Variants in TRAK1 observed in about 807,000 individuals in gnomAD.
The protein encoded by TRAK1 is trafficking kinesin protein 1.
TRAK1 carries 33 observed loss-of-function variants against 92.1 expected under a neutral mutation model. That is an observed-to-expected ratio of 0.36 (90% CI 0.27 to 0.48). The LOEUF (loss-of-function observed/expected upper bound fraction) is 0.48. Among genes scored for constraint, TRAK1 ranks in the 20% least tolerant of loss-of-function variants. TRAK1 has a pLI of 0.99. For synonymous variants in TRAK1, 521 were observed against 517.3 expected (o/e 1.01, Z -0.10); for missense variants, 1,123 against 1,257.9 (o/e 0.89, Z 1.62).
chr3:42,149,275 G>A, intron 2 of TRAK1: 1 of 1,362,368 alleles, frequency 7.3e-7, no homozygotes, highest in Non-Finnish European at 9.5e-7. Flanking sequence ...TGGCAGTGCT[G>A]CCAGGGTCTC....
chr3:42,175,667 C>T (rs184290164), intron 2 of TRAK1, among the ~76,000 whole-genome samples: 31 of 152,292 alleles, frequency 2.0e-4, no homozygotes, highest in African/African-American at 7.0e-4. Flanking sequence ...AGGATGATCT[C>T]TACTTGCATT....
intron 1 of TRAK1, among the ~76,000 whole-genome samples, chr3:42,071,522 A>G (rs1235792096): frequency 6.6e-6 from 1 of 152,086 alleles, no homozygotes; most frequent in African/African-American, 2.4e-5. Flanking sequence ...AGCCTGGCCA[A>G]CATGGTGAAA....
chr3:42,173,087 A>G (rs1702769429), intron 2 of TRAK1, among the ~76,000 whole-genome samples: 2 of 152,202 alleles, frequency 1.3e-5, no homozygotes, highest in African/African-American at 4.8e-5. Context: ...CCGAGGTTGC[A>G]GTGAGCCAAG....
chr3:42,135,137 G>A (rs1362540422), intron 2 of TRAK1, among the ~76,000 whole-genome samples: 1 of 152,148 alleles, frequency 6.6e-6, no homozygotes, highest in African/African-American at 2.4e-5. Flanking sequence ...TTCATGCCAG[G>A]TAGTGTTTGT....
intron 2 of TRAK1, among the ~76,000 whole-genome samples, chr3:42,157,586 A>C (rs1309461347): frequency 6.6e-6 from 1 of 151,080 alleles, no homozygotes; most frequent in African/African-American, 2.4e-5. Context: ...TTTCTTGCCG[A>C]AAGTTCATAA....
At chr3:42,151,784 C>T (rs1398156595) in intron 2 of TRAK1, among the ~76,000 whole-genome samples, 1 of 152,174 alleles carries the variant, frequency 6.6e-6, no homozygotes, top group Non-Finnish European at 1.5e-5. Context: ...TTATATGTAC[C>T]TGTCTTTTAT....
intron 3 of TRAK1, 90 bp downstream of exon 3, chr3:42,176,980 G>T: frequency 8.1e-7 from 1 of 1,229,320 alleles, no homozygotes. Context: ...ACCTGTTTCA[G>T]TGAGGAATCT....
intron 1 of TRAK1, among the ~76,000 whole-genome samples, chr3:42,046,335 A>AT (rs1245314412): frequency 7.9e-6 from 1 of 125,796 alleles, no homozygotes; most frequent in African/African-American, 4.7e-5. Context: ...TGTAGAGAAC[A>AT]TTTAAAAAAA....
chr3:42,096,592 C>T (rs147797003), intron 1 of TRAK1, among the ~76,000 whole-genome samples: 16 of 152,166 alleles, frequency 1.1e-4, no homozygotes, highest in African/African-American at 3.4e-4. Flanking sequence ...AATGCCTTAC[C>T]GTACTATAAA....
chr3:42,082,638 A>G (rs1181049764), upstream of TRAK1, among the ~76,000 whole-genome samples: 1 of 151,768 alleles, frequency 6.6e-6, no homozygotes, highest in African/African-American at 2.4e-5. Flanking sequence ...AGAAATCTTT[A>G]CATATTAGAG....
At chr3:42,163,171 T>A (rs1701460486) in intron 2 of TRAK1, among the ~76,000 whole-genome samples, 1 of 152,188 alleles carries the variant, frequency 6.6e-6, no homozygotes, top group South Asian at 2.1e-4. Flanking sequence ...CCCAGCCTAT[T>A]TAGAATGGCT....
chr3:42,146,143 C>A, intron 2 of TRAK1: 1 of 411,464 alleles, frequency 2.4e-6, no homozygotes, highest in South Asian at 2.3e-5. Flanking sequence ...TGTCCTTGGT[C>A]TGCAAACCAT....
chr3:42,205,871 C>A (rs142295589), intron 13 of TRAK1, among the ~76,000 whole-genome samples: 1 of 152,234 alleles, frequency 6.6e-6, no homozygotes, highest in Non-Finnish European at 1.5e-5. Flanking sequence ...CCCCACTGTC[C>A]GTGCCCTTTT....
chr3:42,162,408 G>A (rs1313000982), intron 2 of TRAK1, among the ~76,000 whole-genome samples: 1 of 152,054 alleles, frequency 6.6e-6, no homozygotes, highest in Non-Finnish European at 1.5e-5. Flanking sequence ...AGAAATCACA[G>A]TTTATTCTGA....
At chr3:42,128,814 A>G (rs1214671950) in intron 2 of TRAK1, among the ~76,000 whole-genome samples, 3 of 151,436 alleles carry the variant, frequency 2.0e-5, no homozygotes, top group African/African-American at 4.9e-5. Flanking sequence ...AAATGTGCTG[A>G]TAGATCTTTT....
chr3:42,193,605 A>G (rs1341016483), intron 8 of TRAK1, among the ~76,000 whole-genome samples: 1 of 151,864 alleles, frequency 6.6e-6, no homozygotes. Flanking sequence ...GCTTCCAGAG[A>G]GCTTTGGAAG....
intron 2 of TRAK1, among the ~76,000 whole-genome samples, chr3:42,147,602 C>G (rs146931428): frequency 5.9e-5 from 9 of 152,322 alleles, no homozygotes; most frequent in African/African-American, 2.2e-4. Context: ...CTTCTCTTTT[C>G]CCTCCGGGAC....
At chr3:42,146,104 G>C (rs1699292976) in intron 2 of TRAK1, 1 of 470,924 alleles carries the variant, frequency 2.1e-6, no homozygotes. Context: ...TGTATCCCAA[G>C]TGCACTGATT....
At chr3:42,070,890 C>G (rs190883964) in intron 1 of TRAK1, among the ~76,000 whole-genome samples, 2 of 152,282 alleles carry the variant, frequency 1.3e-5, no homozygotes, top group East Asian at 3.9e-4. Flanking sequence ...CATTTATTAG[C>G]ATGTTTGCCA....
Sources: allele counts gnomAD v4.1 joint callset (sites outside exome capture counted in the v4.1 genomes callset), GRCh38; gene constraint gnomAD v4.1.1; transcripts MANE v1.5; gene names NCBI Gene and HGNC (gene_info 2026-07-23, HGNC 2026-07-21).